ATRNL1: variants seen among roughly 807,000 people sequenced by gnomAD.
The protein encoded by ATRNL1 is attractin-like protein 1.
A neutral mutation model predicts 182.7 loss-of-function variants in ATRNL1; 95 were observed. The ratio of observed to expected loss-of-function variants is 0.52; its 90% confidence interval spans 0.44 to 0.62. ATRNL1 has a LOEUF of 0.62. Ranked by LOEUF, ATRNL1 falls within the 20% of genes least tolerant of loss-of-function variation. The pLI, the probability that ATRNL1 is intolerant of heterozygous loss-of-function variation, is 0.00. For synonymous variants in ATRNL1, 576 were observed against 568.3 expected (o/e 1.01, Z -0.19); for missense variants, 1,471 against 1,679.5 (o/e 0.88, Z 2.17).
In ATRNL1 at chr10:115,380,490, G is replaced by A. The variant is rs114807269; in HGVS notation, c.3176-14169G>A. ...TGTTTTCATCACCCCCCTCTAAAAAGCCCTCAGTCATTAGCAGCCATTCCC... is the reference window on the plus strand; with the variant it reads ...TGTTTTCATCACCCCCCTCTAAAAAACCCTCAGTCATTAGCAGCCATTCCC... On this transcript the variant is annotated intron_variant, in intron 19 of 28. Coordinates refer to ENST00000355044, the MANE Select transcript of ATRNL1 (RefSeq NM_207303.4). Among the ~76,000 whole-genome samples the A allele has an allele frequency of 4.7e-3, 718 of 152,044 alleles. 3 individuals are homozygous for A. Among genetic ancestry groups the A allele is most frequent in the African/African-American group, 0.016 (682 of 41,484 alleles).
At chr10:115,436,689 A>AT (rs1401193953) in intron 21 of ATRNL1, among the ~76,000 whole-genome samples, 1 of 152,068 alleles carries the variant, frequency 6.6e-6, no homozygotes, top group African/African-American at 2.4e-5. Flanking sequence ...AGGGTGACAT[A>AT]TTTTTTCTCA....
intron 19 of ATRNL1, among the ~76,000 whole-genome samples, chr10:115,350,653 GT>G (rs1240629475): frequency 1.3e-5 from 2 of 152,108 alleles, no homozygotes; most frequent in Admixed American, 1.3e-4. Flanking sequence ...GTATCATGCT[GT>G]TTTGTTTGCT....
intron 20 of ATRNL1, among the ~76,000 whole-genome samples, chr10:115,416,342 T>C (rs1554960872): frequency 6.6e-6 from 1 of 152,152 alleles, no homozygotes; most frequent in Non-Finnish European, 1.5e-5. Flanking sequence ...CTACCAAAAA[T>C]TGGTGTTTAA....
At chr10:115,664,895 T>A (rs1018906627) in intron 26 of ATRNL1, among the ~76,000 whole-genome samples, 8 of 152,174 alleles carry the variant, frequency 5.3e-5, no homozygotes, top group Non-Finnish European at 8.8e-5. Context: ...GTCAAGCTAT[T>A]CCACTTCTTA....
At chr10:115,532,432 T>G (rs543345346) in intron 25 of ATRNL1, among the ~76,000 whole-genome samples, 1 of 152,304 alleles carries the variant, frequency 6.6e-6, no homozygotes, top group Admixed American at 6.5e-5. Flanking sequence ...TCTCTATCTG[T>G]TATTAGTGTA....
rs913796853 is a variant in ATRNL1, at chr10:115,259,908, A to C, written c.1688-5285A>C. On this transcript the variant is annotated intron_variant, in intron 10 of 28. Transcript: ENST00000355044. Reference sequence around the variant, plus strand: ...AACTTCTAGGGATTGTAAGAGTATAATTTTGTGCCAGAAGGAAAGGAACTG... The same window carrying C: ...AACTTCTAGGGATTGTAAGAGTATACTTTTGTGCCAGAAGGAAAGGAACTG... 3.9e-5 allele frequency among the ~76,000 whole-genome samples: 6 copies of C among 152,216 alleles called. No individual in the cohort carries two copies. The East Asian group carries it at 1.2e-3, about 29-fold the overall frequency.
At chr10:115,267,116 T>G (rs959429857) in intron 12 of ATRNL1, 111 bp downstream of exon 12, 1 of 670,700 alleles carries the variant, frequency 1.5e-6, no homozygotes. Flanking sequence ...ATGAAAAATT[T>G]GTATTACCCT....
At chr10:115,684,912 G>T (rs528663205) in intron 26 of ATRNL1, among the ~76,000 whole-genome samples, 1 of 151,672 alleles carries the variant, frequency 6.6e-6, no homozygotes, top group African/African-American at 2.4e-5. Flanking sequence ...TAATTGATTT[G>T]TGGCTGTCAT....
chr10:115,824,815 G>A (rs547419283), intron 27 of ATRNL1, among the ~76,000 whole-genome samples: 1 of 152,324 alleles, frequency 6.6e-6, no homozygotes, highest in South Asian at 2.1e-4. Context: ...TGGTGGGTGT[G>A]TAAATTAGTT....
chr10:115,257,983 C>T (rs1043971953), intron 10 of ATRNL1, among the ~76,000 whole-genome samples: 5 of 152,222 alleles, frequency 3.3e-5, no homozygotes, highest in South Asian at 2.1e-4. Context: ...ATCTGCTGTT[C>T]GTTTGATGGG....
intron 26 of ATRNL1, among the ~76,000 whole-genome samples, chr10:115,712,476 G>A (rs578052060): frequency 1.4e-4 from 21 of 152,276 alleles, no homozygotes; most frequent in African/African-American, 4.8e-4. Context: ...TGAGCTATGG[G>A]TTTAAATCCC....
At chr10:115,536,398 C>T (rs1471465843) in intron 25 of ATRNL1, among the ~76,000 whole-genome samples, 1 of 152,196 alleles carries the variant, frequency 6.6e-6, no homozygotes, top group African/African-American at 2.4e-5. Context: ...ACTCCGTGGG[C>T]GTAGGACCCT....
chr10:115,095,717 T>A (rs947615324), intron 1 of ATRNL1, among the ~76,000 whole-genome samples: 3 of 152,156 alleles, frequency 2.0e-5, no homozygotes, highest in Non-Finnish European at 2.9e-5. Context: ...TTTGCTTGTG[T>A]TCTTAAACGT....
rs544680107 is a variant in ATRNL1 at position 115,219,164 on chromosome 10, G to A, written c.1532+3284G>A. The stretch of plus-strand genomic sequence containing the variant: ...GCAGAAGTGCTTGAACCCAGGAGGC[G>A]GAGGTTGCAGTGAGCTGAGATCGCG... On this transcript the variant is annotated intron_variant, in intron 9 of 28. Coordinates refer to ENST00000355044, the MANE Select transcript of ATRNL1 (RefSeq NM_207303.4). Among the ~76,000 whole-genome samples, 5 of 151,540 alleles carry A rather than the reference G, an allele frequency of 3.3e-5. No individual in the cohort carries two copies. In the East Asian group the frequency reaches 5.8e-4, roughly 18 times the overall value.
At chr10:115,202,561 C>G (rs1366637741) in intron 8 of ATRNL1, among the ~76,000 whole-genome samples, 2 of 151,976 alleles carry the variant, frequency 1.3e-5, no homozygotes, top group East Asian at 1.9e-4. Context: ...TTGAACCAAC[C>G]TTGCATCCCA....
At chr10:115,864,509 A>ACC (rs1951389687) in intron 28 of ATRNL1, among the ~76,000 whole-genome samples, 1 of 152,196 alleles carries the variant, frequency 6.6e-6, no homozygotes, top group African/African-American at 2.4e-5. Flanking sequence ...TTGATTACAA[A>ACC]GGGGAAAGCA....
intron 13 of ATRNL1, among the ~76,000 whole-genome samples, chr10:115,280,691 C>G (rs1852321711): frequency 6.6e-6 from 1 of 152,168 alleles, no homozygotes; most frequent in Admixed American, 6.6e-5. Context: ...TCTGGTGTCT[C>G]TTTTGAAAAG....
chr10:115,794,527 A>G (rs1318993018), intron 27 of ATRNL1, among the ~76,000 whole-genome samples: 1 of 152,088 alleles, frequency 6.6e-6, no homozygotes, highest in Non-Finnish European at 1.5e-5. Context: ...TCTTTCCTTG[A>G]CTTTCATGGG....
At chr10:115,270,783 A>G (rs1851826571) in intron 13 of ATRNL1, among the ~76,000 whole-genome samples, 1 of 152,068 alleles carries the variant, frequency 6.6e-6, no homozygotes, top group Non-Finnish European at 1.5e-5. Flanking sequence ...CCCCCTACAG[A>G]CATATCCAGA....
Sources: gnomAD v4.1 joint callset for allele counts (sites outside exome capture counted in the v4.1 genomes callset) on GRCh38, gnomAD v4.1.1 for gene constraint, MANE v1.5 for transcripts, NCBI Gene and HGNC (gene_info 2026-07-23, HGNC 2026-07-21) for gene names.